Variants in ETV3 observed in about 807,000 individuals in gnomAD.
ETV3 encodes the protein ETS variant transcription factor 3, also known as ETS translocation variant 3.
Under a neutral mutation model 33.0 loss-of-function variants are expected in ETV3, and 8 were observed. The ratio of observed to expected loss-of-function variants is 0.24; its 90% CI spans 0.14 to 0.44. The LOEUF (loss-of-function observed/expected upper bound fraction) is 0.44, where lower values mean the gene tolerates loss of function less well. ETV3 is among the 20% of genes least tolerant of loss of function. ETV3 has a pLI of 1.00. For synonymous variants in ETV3, 222 were observed against 238.9 expected (o/e 0.93, Z 0.65); for missense variants, 473 against 652.3 (o/e 0.73, Z 2.99).
intron 2 of ETV3, among the ~76,000 whole-genome samples, chr1:157,136,031 T>A: frequency 6.6e-6 from 1 of 152,214 alleles, no homozygotes; most frequent in East Asian, 1.9e-4. Flanking sequence ...GATAAACTAA[T>A]GTTTCAGGAA....
intron 4 of ETV3, 73 bp downstream of exon 4, chr1:157,134,039 G>T: frequency 6.3e-7 from 1 of 1,579,106 alleles, no homozygotes. Context: ...AACATGCCAT[G>T]TCTTAGATTT....
intron 2 of ETV3, 26 bp downstream of exon 2, chr1:157,136,281 A>G: frequency 1.2e-6 from 2 of 1,610,608 alleles, no homozygotes; most frequent in Non-Finnish European, 1.7e-6. Flanking sequence ...TTCCAGGTAC[A>G]TCAGAGATGA....
intron 3 of ETV3, 99 bp downstream of exon 3, chr1:157,135,372 T>TA: frequency 2.2e-6 from 3 of 1,370,624 alleles, no homozygotes; most frequent in Non-Finnish European, 3.1e-6. Context: ...TAAGATAGTG[T>TA]AGTCTTTTAT....
Position 157,137,512 on chromosome 1 carries a change from ACACACAC to A in ETV3, c.-14+797_-14+803del, listed in dbSNP as rs1558033150. On this transcript the variant is annotated intron_variant, in intron 1 of 4. Transcript: ENST00000368192. ...AAGGAAGGAGCAGACAAGGAAAAACACACACACACACACACACACACACACACACTCT... is the reference window on the plus strand; with the variant it reads ...AAGGAAGGAGCAGACAAGGAAAAACAACACACACACACACACACACACTCT... Among the ~76,000 whole-genome samples the A allele has an allele frequency of 7.8e-3, 279 of 35,722 alleles. 2 individuals carry two copies. The highest frequency in any genetic ancestry group is 0.05 in the African/African-American group (223 of 4,484). The allele number at this position is 35,722 out of a possible 152,430, so 23.4% of individuals were successfully genotyped here.
At chr1:157,132,340 T>C (rs971341362) in intron 4 of ETV3, among the ~76,000 whole-genome samples, 16 of 152,204 alleles carry the variant, frequency 1.1e-4, no homozygotes, top group African/African-American at 3.1e-4. Context: ...TGGGCCACTA[T>C]TGTTAGGTTT....
At chr1:157,129,734 A>G (rs942251480) in intron 4 of ETV3, among the ~76,000 whole-genome samples, 1 of 152,224 alleles carries the variant, frequency 6.6e-6, no homozygotes, top group African/African-American at 2.4e-5. Flanking sequence ...TTAAGAGTAC[A>G]TCTACTCAAA....
At chr1:157,131,787 T>C (rs1438227244) in intron 4 of ETV3, among the ~76,000 whole-genome samples, 1 of 152,230 alleles carries the variant, frequency 6.6e-6, no homozygotes, top group African/African-American at 2.4e-5. Flanking sequence ...ATAAAGCAGA[T>C]GTTCAATAAA....
chr1:157,136,807 T>A (rs567491412), intron 1 of ETV3, among the ~76,000 whole-genome samples: 1 of 152,170 alleles, frequency 6.6e-6, no homozygotes, highest in Non-Finnish European at 1.5e-5. Context: ...GTTTAAAGGA[T>A]GAAAAAATCC....
At position 157,125,712 on chromosome 1, in the gene ETV3, T is replaced by C; in HGVS notation, c.668A>G (p.Gln223Arg). The C allele has an allele frequency of 1.3e-6, 2 of 1,551,684 alleles. No individual in the cohort carries two copies. The highest frequency in any genetic ancestry group is 1.7e-6 in the Non-Finnish European group (2 of 1,146,996). Residue 223 changes from glutamine (Q) to arginine (R), a missense_variant, in exon 5 of 5, where the codon CAG becomes CGG. By Grantham distance (43) the Gln-to-Arg change is conservative. This residue lies in a region of ETV3 where 410 missense variants were observed against 520.2 expected (regional missense o/e 0.79). Coordinates refer to ENST00000368192, the MANE Select transcript of ETV3 (RefSeq NM_001145312.3). This position sits in a 1 kb window ranked among gnomAD's most constrained non-coding sequence, Gnocchi z 4.0. ...NAIGGGGIGH[Q>R]KRKPDIMLPL... ...AAGCATTATGTCAGGCTTGCGTTTC[T>C]GATGGCCAATCCCTCCTCCACCAAT...
Position 157,122,124 on chromosome 1 carries a change from G to C in ETV3, c.*2717C>G, listed in dbSNP as rs572848516. On this transcript the variant is annotated 3_prime_UTR_variant, in exon 5 of 5. Transcript: ENST00000368192. ...TGGGGGAGAAAAAATAGGTCTGGTT[G>C]TTGTCCCCCTTTTTCCACCTGCTGC... 1 of 152,298 alleles carries C rather than the reference G, an allele frequency of 6.6e-6. No homozygotes were observed. The highest frequency in any genetic ancestry group is 1.9e-4 in the East Asian group (1 of 5,182). The allele number at this position is 152,298 out of a possible 1,614,324, so 9.4% of individuals were successfully genotyped here.
Position 157,135,311 on chromosome 1 carries a change from C to T in ETV3, c.284+160G>A, listed in dbSNP as rs1288650511. 4 of 840,454 alleles carry T rather than the reference C, an allele frequency of 4.8e-6. No individual in the cohort carries two copies. The African/African-American group carries it at 6.8e-5, about 14-fold the overall frequency. The allele number at this position is 840,454 out of a possible 1,614,324, so 52.1% of individuals were successfully genotyped here. ...CTTTTCTCCTCCTGTGCCTATGCTA[C>T]TCACATTCAACAGCTCTTCTACTCC... On this transcript the variant is annotated intron_variant, in intron 3 of 4. Coordinates refer to ENST00000368192, the MANE Select transcript of ETV3 (RefSeq NM_001145312.3).
intron 4 of ETV3, chr1:157,133,795 C>G (rs1429394519): frequency 1.9e-5 from 21 of 1,086,068 alleles, no homozygotes; most frequent in Non-Finnish European, 2.3e-5. Context: ...AAAACTGAGT[C>G]CTGAACGTAA....
At chr1:157,129,751 A>G (rs1674926469) in intron 4 of ETV3, among the ~76,000 whole-genome samples, 2 of 152,230 alleles carry the variant, frequency 1.3e-5, no homozygotes, top group Non-Finnish European at 2.9e-5. Context: ...CAAAAGCAAA[A>G]AGCCACTTCT....
intron 4 of ETV3, among the ~76,000 whole-genome samples, chr1:157,127,772 C>A (rs573929141): frequency 2.6e-5 from 4 of 152,136 alleles, no homozygotes; most frequent in Non-Finnish European, 5.9e-5. Flanking sequence ...ATCTCGAACT[C>A]CTGGCCTCAA....
chr1:157,130,563 C>A (rs1674947039), intron 4 of ETV3, among the ~76,000 whole-genome samples: 1 of 152,150 alleles, frequency 6.6e-6, no homozygotes, highest in African/African-American at 2.4e-5. Context: ...GAATCTTTGA[C>A]CCCCTCTGGC....
chr1:157,126,433 T>G (rs1246740058), intron 4 of ETV3, among the ~76,000 whole-genome samples: 1 of 152,258 alleles, frequency 6.6e-6, no homozygotes, highest in Non-Finnish European at 1.5e-5. Flanking sequence ...CTGCAAATAG[T>G]CTTATTTCCA....
intron 2 of ETV3, 53 bp downstream of exon 2, chr1:157,136,254 G>A: frequency 1.9e-6 from 3 of 1,551,654 alleles, no homozygotes; most frequent in Non-Finnish European, 2.7e-6. Context: ...GAGAGGACAG[G>A]AACCACTGAG....
Position 157,134,155 on chromosome 1 carries a change from C to A in ETV3, c.357G>T (p.Lys119Asn), listed in dbSNP as rs759549727. 1 of 1,614,062 alleles carries A rather than the reference C, an allele frequency of 6.2e-7. No homozygotes were observed. The highest frequency in any genetic ancestry group is 8.5e-7 in the Non-Finnish European group (1 of 1,179,978). ...KRFTYKFNFN[K>N]LVMPNYPFIN... Reference sequence around the variant, plus strand: ...TGAATGGGTAGTTGGGCATCACCAGCTTGTTGAAGTTAAATTTATAGGTAA... The same window carrying A: ...TGAATGGGTAGTTGGGCATCACCAGATTGTTGAAGTTAAATTTATAGGTAA... Residue 119 changes from lysine to asparagine, a missense_variant, in exon 4 of 5, where the codon AAG becomes AAT. Lys to Asn is a moderately conservative substitution (Grantham distance 94). This residue lies in a region of ETV3 where 410 missense variants were observed against 520.2 expected (regional missense o/e 0.79). Coordinates refer to ENST00000368192, the MANE Select transcript of ETV3 (RefSeq NM_001145312.3).
In ETV3 at chr1:157,123,257, T is replaced by G. The variant is rs866759575; in HGVS notation, c.*1584A>C. On this transcript the variant is annotated 3_prime_UTR_variant, in exon 5 of 5. Coordinates refer to ENST00000368192, the MANE Select transcript of ETV3 (RefSeq NM_001145312.3). ...TACCAATGTACACGACATAGGCACA[T>G]GTGCAAACACAAAGAAGGTGGGCTG... is the stretch of plus-strand genomic sequence containing the variant. 3 of 152,278 alleles carry G rather than the reference T, an allele frequency of 2.0e-5. No homozygotes were observed. Among genetic ancestry groups the G allele is most frequent in the African/African-American group, 7.2e-5 (3 of 41,472 alleles). The allele number at this position is 152,278 out of a possible 1,614,324, so 9.4% of individuals were successfully genotyped here.
Sources: allele counts gnomAD v4.1 joint callset (sites outside exome capture counted in the v4.1 genomes callset), GRCh38; gene constraint gnomAD v4.1.1; regional missense constraint gnomAD v4.1.1; non-coding constraint Gnocchi (gnomAD v3.1); transcripts MANE v1.5; gene names NCBI Gene and HGNC (gene_info 2026-07-23, HGNC 2026-07-21).